Variants in RABGEF1 observed in about 807,000 individuals in gnomAD.
RABGEF1 encodes rab5 GDP/GTP exchange factor.
RABGEF1 carries 26 observed loss-of-function variants against 57.3 expected under a neutral mutation model. That is an observed-to-expected ratio of 0.45 (90% confidence interval 0.33 to 0.63). RABGEF1 has a LOEUF of 0.63. Among genes scored for constraint, RABGEF1 ranks in the 20% least tolerant of loss-of-function variants. The pLI is 0.02. For missense variants in RABGEF1, 464 were observed against 607.6 expected (o/e 0.76, Z 2.48); for synonymous variants, 185 against 210.7 (o/e 0.88, Z 1.06).
intron 1 of RABGEF1, among the ~76,000 whole-genome samples, chr7:66,684,807 T>G (rs1054355775): frequency 1.3e-5 from 2 of 152,118 alleles, no homozygotes; most frequent in Admixed American, 1.3e-4. Flanking sequence ...GCTAATTTTT[T>G]GTATTTTTAG....
At chr7:66,737,908 G>C (rs1046267785), upstream of RABGEF1, among the ~76,000 whole-genome samples, 3 of 152,162 alleles carry the variant, frequency 2.0e-5, no homozygotes, top group African/African-American at 7.2e-5. Context: ...TTCTTGCCCA[G>C]ATATTTGCAT....
intron 1 of RABGEF1, among the ~76,000 whole-genome samples, chr7:66,694,062 G>A (rs1292211144): frequency 2.0e-5 from 3 of 152,330 alleles, no homozygotes; most frequent in Non-Finnish European, 2.9e-5. Context: ...ACCCATCTGG[G>A]CCTCCCACAG....
chr7:66,759,248 G>T (rs772277331), intron 1 of RABGEF1, among the ~76,000 whole-genome samples: 6 of 152,152 alleles, frequency 3.9e-5, no homozygotes, highest in Admixed American at 6.5e-5. Flanking sequence ...CCTTGCTATG[G>T]TTTGTTACAG....
At chr7:66,796,349 G>T (rs1250790842) in intron 5 of RABGEF1, among the ~76,000 whole-genome samples, 1 of 152,126 alleles carries the variant, frequency 6.6e-6, no homozygotes, top group Non-Finnish European at 1.5e-5. Flanking sequence ...ATCTCCATTT[G>T]TATACCTCAG....
intron 2 of RABGEF1, among the ~76,000 whole-genome samples, chr7:66,716,148 C>T (rs936942250): frequency 6.6e-6 from 1 of 152,096 alleles, no homozygotes; most frequent in African/African-American, 2.4e-5. Flanking sequence ...GGTGTTGGGT[C>T]TTTACCATTA....
At position 66,809,097 on chromosome 7, in the gene RABGEF1, A is replaced by C. The variant is rs1296389718; in HGVS notation, c.1289A>C (p.Glu430Ala). The stretch of plus-strand genomic sequence containing the variant: ...GAACGACAAGAAAGGATCATGAATG[A>C]AGCCAAGAAACTGGAAAAAGACCTC... The part of the protein sequence containing the change: ...LNERQERIMN[E>A]AKKLEKDLID... Residue 430 changes from glutamate (E) to alanine (A), a missense_variant, in exon 9 of 9, where the codon GAA becomes GCA. Around this residue, in one of 4 missense-constraint regions of RABGEF1, gnomAD observed 151 missense variants for 152.2 expected, o/e 0.99. Transcript: ENST00000284957. The C allele has an allele frequency of 1.2e-6, 2 of 1,614,188 alleles. No individual in the cohort carries two copies. Among genetic ancestry groups the C allele is most frequent in the Non-Finnish European group, 8.5e-7 (1 of 1,180,022 alleles).
intron 8 of RABGEF1, among the ~76,000 whole-genome samples, chr7:66,805,689 C>CA (rs1584292185): frequency 6.6e-6 from 1 of 152,166 alleles, no homozygotes; most frequent in Admixed American, 6.5e-5. Flanking sequence ...CTTTTTCAAC[C>CA]ATGAATAAGG....
At chr7:66,717,040 A>G (rs1449361491) in intron 2 of RABGEF1, among the ~76,000 whole-genome samples, 2 of 152,092 alleles carry the variant, frequency 1.3e-5, no homozygotes, top group Non-Finnish European at 2.9e-5. Context: ...CAGCCTCCCA[A>G]AGTGCTGGGA....
chr7:66,704,644 A>C (rs1020849865), intron 1 of RABGEF1, among the ~76,000 whole-genome samples: 1 of 152,004 alleles, frequency 6.6e-6, no homozygotes, highest in Non-Finnish European at 1.5e-5. Context: ...CCCCATCTCT[A>C]CTAAAAATAC....
upstream of RABGEF1, among the ~76,000 whole-genome samples, chr7:66,736,556 T>A (rs1000640601): frequency 1.3e-5 from 2 of 151,714 alleles, no homozygotes; most frequent in East Asian, 3.9e-4. Context: ...GATAATGAGG[T>A]TGAGGTGGAA....
chr7:66,698,276 C>G (rs1192909410), intron 1 of RABGEF1, among the ~76,000 whole-genome samples: 2 of 152,198 alleles, frequency 1.3e-5, no homozygotes, highest in Non-Finnish European at 2.9e-5. Flanking sequence ...AGGGCCATGC[C>G]CCTTAGACCA....
At chr7:66,678,301 C>T (rs1243714281), upstream of RABGEF1, among the ~76,000 whole-genome samples, 2 of 151,738 alleles carry the variant, frequency 1.3e-5, no homozygotes, top group African/African-American at 4.8e-5. Flanking sequence ...CGCGGTGGCT[C>T]ACGCCTGTAA....
At chr7:66,723,200 C>T (rs1562737488) in intron 2 of RABGEF1, among the ~76,000 whole-genome samples, 1 of 152,230 alleles carries the variant, frequency 6.6e-6, no homozygotes, top group Admixed American at 6.5e-5. Context: ...AATTCTTGAC[C>T]TCATGTTATC....
intron 1 of RABGEF1, among the ~76,000 whole-genome samples, chr7:66,764,567 C>T (rs1274795691): frequency 2.0e-5 from 3 of 152,158 alleles, no homozygotes; most frequent in Non-Finnish European, 4.4e-5. Flanking sequence ...ACATTTTCTT[C>T]TGAGAGCTTT....
At position 66,696,976 on chromosome 7, in the gene RABGEF1, C is replaced by T. The variant is rs117682426; in HGVS notation, c.-873+14718C>T. ...GGGGAGCAAGATACATGGGAGTCTC[C>T]ATGGTGCAGCCAATGTGCGTGGAGC... On this transcript the variant is annotated intron_variant and NMD_transcript_variant, in intron 1 of 9. Transcript: ENST00000607882. Among the ~76,000 whole-genome samples, 208 of 152,296 alleles carry T rather than the reference C, an allele frequency of 1.4e-3. 1 individual carries two copies. Among genetic ancestry groups the T allele is most frequent in the East Asian group, 0.012 (63 of 5,178 alleles).
intron 2 of RABGEF1, among the ~76,000 whole-genome samples, chr7:66,735,137 TTAGATA>T (rs1562752263): frequency 1.3e-5 from 2 of 152,206 alleles, no homozygotes; most frequent in African/African-American, 2.4e-5. Flanking sequence ...CATTTTAGTG[TTAGATA>T]TAAAGTGTTA....
At chr7:66,736,319 T>A (rs1287421220), upstream of RABGEF1, among the ~76,000 whole-genome samples, 1 of 152,184 alleles carries the variant, frequency 6.6e-6, no homozygotes, top group East Asian at 1.9e-4. Context: ...GACAGGAATG[T>A]TCCTTTAGCA....
intron 1 of RABGEF1, among the ~76,000 whole-genome samples, chr7:66,747,074 G>T (rs545697009): frequency 6.6e-6 from 1 of 152,244 alleles, no homozygotes; most frequent in South Asian, 2.1e-4. Flanking sequence ...GATTACAGGT[G>T]TGAGCTACCG....
intron 2 of RABGEF1, among the ~76,000 whole-genome samples, chr7:66,714,502 C>T (rs1795133256): frequency 6.6e-6 from 1 of 152,060 alleles, no homozygotes; most frequent in African/African-American, 2.4e-5. Context: ...GGGAATTTTA[C>T]ACATCTTTTC....
Sources: gnomAD v4.1 joint callset for allele counts (sites outside exome capture counted in the v4.1 genomes callset) on GRCh38, gnomAD v4.1.1 for gene constraint, gnomAD v4.1.1 regional missense constraint, MANE v1.5 for transcripts, NCBI Gene and HGNC (gene_info 2026-07-23, HGNC 2026-07-21) for gene names.